PGM5: variants seen among roughly 807,000 people sequenced by gnomAD.
The protein encoded by PGM5 is phosphoglucomutase 5, also known as phosphoglucomutase-like protein 5.
A neutral mutation model predicts 59.2 loss-of-function variants in PGM5; 23 were observed. The ratio of observed to expected loss-of-function variants is 0.39; its 90% confidence interval spans 0.28 to 0.55. The LOEUF (loss-of-function observed/expected upper bound fraction) is 0.55, where lower values mean the gene tolerates loss of function less well. Ranked by LOEUF, PGM5 falls within the 20% of genes least tolerant of loss-of-function variation. The pLI is 0.66. For synonymous variants in PGM5, 214 were observed against 286.0 expected (o/e 0.75, Z 2.54); for missense variants, 574 against 748.3 (o/e 0.77, Z 2.72).
intron 1 of PGM5, among the ~76,000 whole-genome samples, chr9:68,377,974 G>A (rs1184471248): frequency 6.6e-6 from 1 of 152,124 alleles, no homozygotes; most frequent in Non-Finnish European, 1.5e-5. Context: ...CCTATTTACA[G>A]GTTAATAATT....
intron 1 of PGM5, among the ~76,000 whole-genome samples, chr9:68,375,277 GGGACCACAAAAA>G (rs1488971107): frequency 1.3e-5 from 2 of 152,204 alleles, no homozygotes; most frequent in Non-Finnish European, 2.9e-5. Context: ...AGTGTGGGAG[GGGACCACAAAAA>G]GGCAAAAATG....
At chr9:68,424,104 C>T (rs1456451227) in intron 6 of PGM5, among the ~76,000 whole-genome samples, 4 of 152,102 alleles carry the variant, frequency 2.6e-5, no homozygotes, top group Non-Finnish European at 4.4e-5. Context: ...TCATGATGAA[C>T]GAGGAAGGTA....
chr9:68,441,533 A>G (rs1349430751), intron 6 of PGM5, among the ~76,000 whole-genome samples: 3 of 152,176 alleles, frequency 2.0e-5, no homozygotes, highest in African/African-American at 4.8e-5. Context: ...GATTACATCA[A>G]TTGAGGCACA....
At chr9:68,480,571 G>A (rs1440805841) in intron 8 of PGM5, among the ~76,000 whole-genome samples, 1 of 152,060 alleles carries the variant, frequency 6.6e-6, no homozygotes, top group Non-Finnish European at 1.5e-5. Context: ...TGGGTTTGGT[G>A]GTGCACACCT....
intron 6 of PGM5, among the ~76,000 whole-genome samples, chr9:68,422,237 T>C (rs1823142966): frequency 6.6e-6 from 1 of 152,144 alleles, no homozygotes. Context: ...TTTAGTAGCA[T>C]TGATTGGCTC....
chr9:68,437,852 G>T lies in PGM5; in HGVS notation c.1044-27241G>T, dbSNP rs1823464393. On this transcript the variant is annotated intron_variant, in intron 6 of 10. Transcript: ENST00000396396. The surrounding 1 kb of genome is among the most constrained non-coding windows in gnomAD (Gnocchi z 4.1). Reference sequence around the variant, plus strand: ...CCTATAGCAATATTTGTCTGAAGCTGAGTGGAGGCTGTTTCTAACAGCCAC... The same window carrying T: ...CCTATAGCAATATTTGTCTGAAGCTTAGTGGAGGCTGTTTCTAACAGCCAC... 6.6e-6 allele frequency among the ~76,000 whole-genome samples: 1 copy of T among 152,166 alleles called. No individual in the cohort carries two copies. Among genetic ancestry groups the T allele is most frequent in the African/African-American group, 2.4e-5 (1 of 41,430 alleles).
chr9:68,498,078 C>T (rs782027644), intron 9 of PGM5: 4 of 152,218 alleles, frequency 2.6e-5, no homozygotes, highest in Non-Finnish European at 5.9e-5. Context: ...GACCCCCAAA[C>T]TCATTAAGCC....
At chr9:68,393,819 A>G (rs1822426466) in intron 6 of PGM5, 1 of 152,204 alleles carries the variant, frequency 6.6e-6, no homozygotes, top group Middle Eastern at 3.2e-3. Context: ...AATAATATAC[A>G]TAGTTGCATG....
intron 7 of PGM5, among the ~76,000 whole-genome samples, chr9:68,473,856 C>G (rs1254265239): frequency 6.6e-6 from 1 of 152,124 alleles, no homozygotes; most frequent in Non-Finnish European, 1.5e-5. Flanking sequence ...AAGGAGAAAT[C>G]TTGATACTGA....
At chr9:68,529,464 T>C (rs749410833) in intron 10 of PGM5, 103 bp from the exon 11 acceptor site, 28 of 797,808 alleles carry the variant, frequency 3.5e-5, no homozygotes, top group Non-Finnish European at 5.6e-5. Context: ...CTGTAAACAG[T>C]GAATTGGAAT....
chr9:68,516,960 C>A (rs571037047), intron 10 of PGM5, among the ~76,000 whole-genome samples: 1 of 152,182 alleles, frequency 6.6e-6, no homozygotes, highest in South Asian at 2.1e-4. Context: ...CAACCTCCGC[C>A]TCCTGGGTTC....
chr9:68,522,907 T>G (rs1464110353), intron 10 of PGM5, among the ~76,000 whole-genome samples: 1 of 152,236 alleles, frequency 6.6e-6, no homozygotes, highest in Non-Finnish European at 1.5e-5. Flanking sequence ...TTCACCCTGC[T>G]TTCTTATAAT....
intron 1 of PGM5, among the ~76,000 whole-genome samples, chr9:68,375,703 A>G (rs1191374881): frequency 6.6e-6 from 1 of 152,262 alleles, no homozygotes; most frequent in Non-Finnish European, 1.5e-5. Flanking sequence ...TAATATGGAA[A>G]ATGTTAAAGG....
intron 1 of PGM5, among the ~76,000 whole-genome samples, chr9:68,373,979 T>A (rs1267247449): frequency 1.6e-4 from 25 of 152,274 alleles, no homozygotes; most frequent in African/African-American, 5.5e-4. Context: ...CTGTTCTCAT[T>A]CTCATACTAG....
intron 7 of PGM5, among the ~76,000 whole-genome samples, chr9:68,478,502 G>C (rs782510941): frequency 6.6e-6 from 1 of 152,150 alleles, no homozygotes; most frequent in Admixed American, 6.5e-5. Context: ...CCACCAACTG[G>C]GTGGCTTAAA....
chr9:68,502,844 C>T (rs1479458282), intron 10 of PGM5, among the ~76,000 whole-genome samples: 1 of 152,136 alleles, frequency 6.6e-6, no homozygotes, highest in African/African-American at 2.4e-5. Context: ...TGACCGCCAC[C>T]ATCCCTGGCT....
intron 10 of PGM5, among the ~76,000 whole-genome samples, chr9:68,525,884 A>G (rs1011458672): frequency 2.0e-5 from 3 of 152,056 alleles, no homozygotes; most frequent in African/African-American, 7.2e-5. Context: ...GTGAAACCTC[A>G]TCTCTACTAA....
At position 68,387,237 on chromosome 9, in the gene PGM5, T is replaced by C. The variant is rs144142709; in HGVS notation, c.572-226T>C. Among the ~76,000 whole-genome samples the C allele has an allele frequency of 1.2e-3, 189 of 152,160 alleles. 1 individual carries two copies. Among genetic ancestry groups the C allele is most frequent in the African/African-American group, 4.2e-3 (176 of 41,546 alleles). ...TTGCAAAGAAGAATTTATAACTTGG[T>C]ATCATTTATACCCATTGAGCACCTG... On this transcript the variant is annotated intron_variant, in intron 3 of 10. Coordinates refer to ENST00000396396, the MANE Select transcript of PGM5 (RefSeq NM_021965.4).
intron 6 of PGM5, among the ~76,000 whole-genome samples, chr9:68,412,263 C>T (rs1229594679): frequency 6.6e-6 from 1 of 152,246 alleles, no homozygotes; most frequent in Non-Finnish European, 1.5e-5. Flanking sequence ...ATTTTTCTTC[C>T]TTTATTTAAA....
Sources: gnomAD v4.1 joint callset for allele counts (sites outside exome capture counted in the v4.1 genomes callset) on GRCh38, gnomAD v4.1.1 for gene constraint, Gnocchi (gnomAD v3.1) non-coding constraint, MANE v1.5 for transcripts, NCBI Gene and HGNC (gene_info 2026-07-23, HGNC 2026-07-21) for gene names.